Variants in FAM124B observed in about 807,000 individuals in gnomAD.
FAM124B encodes the protein family with sequence similarity 124 member B.
Under a neutral mutation model 19.7 loss-of-function variants are expected in FAM124B, and 18 were observed. The ratio of observed to expected loss-of-function variants is 0.92; its 90% confidence interval spans 0.63 to 1.36. The LOEUF (loss-of-function observed/expected upper bound fraction) is 1.36, where lower values mean the gene tolerates loss of function less well. FAM124B is among the 40% of genes most tolerant of loss of function. The probability of loss-of-function intolerance (pLI) is 0.00; values close to 1 mark genes in which losing one functional copy is unlikely to be tolerated. For missense variants in FAM124B, 540 were observed against 553.3 expected (o/e 0.98, Z 0.24); for synonymous variants, 223 against 225.2 (o/e 0.99, Z 0.09).
rs779052893 is a variant in FAM124B, at chr2:224,401,587, C to T, written c.182G>A (p.Arg61Gln). 2 of 1,614,150 alleles carry T rather than the reference C, an allele frequency of 1.2e-6. No individual in the cohort carries two copies. The highest frequency in any genetic ancestry group is 2.2e-5 in the East Asian group (1 of 44,870). Residue 61 changes from arginine (R) to glutamine (Q), a missense_variant, in exon 1 of 2, where the codon CGG (arginine) becomes CAG (glutamine). By Grantham distance (43) the Arg-to-Gln change is conservative. Coordinates refer to ENST00000409685, the MANE Select transcript of FAM124B (RefSeq NM_001122779.2). ...VKYCEKSHSK[R>Q]SRFPGMSVLL... ...CACGGACATCCCTGGAAACCGGGAC[C>T]GCTTGGAATGGGACTTTTCACAGTA...
intron 1 of FAM124B, among the ~76,000 whole-genome samples, chr2:224,389,197 G>T (rs1344366713): frequency 6.6e-6 from 1 of 152,192 alleles, no homozygotes. Context: ...CTCCCAAAGT[G>T]CTGGGATTAC....
At chr2:224,393,285 T>C (rs1254180166) in intron 1 of FAM124B, among the ~76,000 whole-genome samples, 1 of 152,132 alleles carries the variant, frequency 6.6e-6, no homozygotes, top group African/African-American at 2.4e-5. Context: ...ATCCCTATGA[T>C]TAAGTCAGGA....
intron 1 of FAM124B, among the ~76,000 whole-genome samples, chr2:224,397,505 G>A (rs1438824956): frequency 6.6e-6 from 1 of 152,174 alleles, no homozygotes; most frequent in African/African-American, 2.4e-5. Context: ...ATGTGGAAGC[G>A]ACTTTGGAAC....
chr2:224,401,846 C>G lies in FAM124B; in HGVS notation c.-78G>C. 2 of 1,507,066 alleles carry G rather than the reference C, an allele frequency of 1.3e-6. No individual in the cohort carries two copies. The highest frequency in any genetic ancestry group is 1.8e-6 in the Non-Finnish European group (2 of 1,121,076). 93.4% of individuals were successfully genotyped at this position (1,507,066 alleles called of 1,614,324 possible). A position where few individuals can be genotyped will look rare whatever the true frequency, so the allele number is the denominator to read the frequency against. ...CAAGTTTCTGAAATGAATGAAGAAG[C>G]GGCCCAGCCTTCAGCCCGCCTGAAA... is the stretch of plus-strand genomic sequence containing the variant. On this transcript the variant is annotated 5_prime_UTR_variant, in exon 1 of 2. Transcript: ENST00000409685.
At chr2:224,386,086 T>A (rs1219724462) in intron 1 of FAM124B, among the ~76,000 whole-genome samples, 2 of 152,200 alleles carry the variant, frequency 1.3e-5, no homozygotes, top group Admixed American at 1.3e-4. Context: ...ACCATCGTCC[T>A]GCTTCAATGA....
At chr2:224,383,707 C>T (rs1330694857) in intron 1 of FAM124B, among the ~76,000 whole-genome samples, 1 of 152,140 alleles carries the variant, frequency 6.6e-6, no homozygotes, top group African/African-American at 2.4e-5. Flanking sequence ...ATACTATCTC[C>T]GAAATGTCAG....
At position 224,401,780 on chromosome 2, in the gene FAM124B, C is replaced by T. The variant is rs763876437; in HGVS notation, c.-12G>A. ...TGTGTCTCATCCATGGAGGAACTGC[C>T]TGAGGCTGACAAAGACAGCGTGTGT... On this transcript the variant is annotated 5_prime_UTR_variant, in exon 1 of 2. Transcript: ENST00000409685. 6 of 1,601,954 alleles carry T rather than the reference C, an allele frequency of 3.7e-6. No individual in the cohort carries two copies. The highest frequency in any genetic ancestry group is 1.7e-5 in the Admixed American group (1 of 58,566).
chr2:224,379,477 T>A lies in FAM124B; in HGVS notation c.*96A>T, dbSNP rs940060647. The stretch of plus-strand genomic sequence containing the variant: ...GTGCATGGGGAGCATTCAGCCCCCC[T>A]CAGATGAACAACTAACAGGCTGATT... On this transcript the variant is annotated 3_prime_UTR_variant, in exon 2 of 2. Coordinates refer to ENST00000409685, the MANE Select transcript of FAM124B (RefSeq NM_001122779.2). The A allele has an allele frequency of 2.8e-6, 4 of 1,423,646 alleles. No homozygotes were observed. Among genetic ancestry groups the A allele is most frequent in the African/African-American group, 2.9e-5 (2 of 69,240 alleles). The allele number at this position is 1,423,646 out of a possible 1,614,324, so 88.2% of individuals were successfully genotyped here.
Position 224,379,740 on chromosome 2 carries a change from C to A in FAM124B, c.1201G>T (p.Gly401Trp), listed in dbSNP as rs566543466. 1.3e-6 allele frequency: 2 copies of A among 1,551,658 alleles called. No homozygotes were observed. Among genetic ancestry groups the A allele is most frequent in the Non-Finnish European group, 1.7e-6 (2 of 1,147,004 alleles). Residue 401 changes from glycine to tryptophan, a missense_variant, in exon 2 of 2, where the codon GGG becomes TGG. By Grantham distance (184) the Gly-to-Trp change is radical (BLOSUM62 -2). Coordinates refer to ENST00000409685, the MANE Select transcript of FAM124B (RefSeq NM_001122779.2). ...CTGTTGTTTTTGGAGGTAGCCACCC[C>A]CAAGGAAGAGGCTGGCAAGCAGAAT... ...PPFCLPASSL[G>W]VATSKNNSVL... is the part of the protein sequence containing the mutation.
At chr2:224,390,120 C>T (rs1209234604) in intron 1 of FAM124B, among the ~76,000 whole-genome samples, 2 of 106,986 alleles carry the variant, frequency 1.9e-5, no homozygotes, top group South Asian at 3.2e-4. Context: ...GAAATACACA[C>T]ACACACACAC....
At chr2:224,382,298 T>TAA (rs1689734513) in intron 1 of FAM124B, among the ~76,000 whole-genome samples, 1 of 152,306 alleles carries the variant, frequency 6.6e-6, no homozygotes, top group African/African-American at 2.4e-5. Context: ...GAATCTCATA[T>TAA]TTTTTATGTG....
intron 1 of FAM124B, among the ~76,000 whole-genome samples, chr2:224,391,821 C>T (rs922153873): frequency 6.6e-6 from 1 of 152,018 alleles, no homozygotes; most frequent in African/African-American, 2.4e-5. Context: ...ATATTTATAA[C>T]GAAACAACAC....
intron 1 of FAM124B, among the ~76,000 whole-genome samples, chr2:224,386,213 C>A (rs1689798600): frequency 6.6e-6 from 1 of 152,198 alleles, no homozygotes; most frequent in Non-Finnish European, 1.5e-5. Flanking sequence ...TTTCAGCCTC[C>A]ACATGCTGAA....
At chr2:224,396,033 A>T (rs772346133) in intron 1 of FAM124B, among the ~76,000 whole-genome samples, 17 of 152,248 alleles carry the variant, frequency 1.1e-4, no homozygotes, top group Non-Finnish European at 2.1e-4. Context: ...GAAGCTACTT[A>T]GCCAGGGTTC....
At chr2:224,390,064 G>A (rs1338351164) in intron 1 of FAM124B, among the ~76,000 whole-genome samples, 2 of 146,052 alleles carry the variant, frequency 1.4e-5, no homozygotes, top group African/African-American at 2.5e-5. Context: ...CAGTGCCAAG[G>A]TTGAGAAAAC....
intron 1 of FAM124B, among the ~76,000 whole-genome samples, chr2:224,387,454 G>GA (rs910431510): frequency 3.8e-4 from 57 of 151,950 alleles, no homozygotes; most frequent in African/African-American, 1.1e-3. Context: ...CAACACTGGG[G>GA]AAAAAAAATG....
At chr2:224,391,504 A>G (rs1488354199) in intron 1 of FAM124B, among the ~76,000 whole-genome samples, 3 of 152,226 alleles carry the variant, frequency 2.0e-5, no homozygotes, top group African/African-American at 4.8e-5. Context: ...GTAAGAGGAA[A>G]AAGTATCAAG....
At chr2:224,400,434 AGGTGAAGACCTCAG>A in intron 1 of FAM124B, 1 of 695,580 alleles carries the variant, frequency 1.4e-6, no homozygotes, top group Non-Finnish European at 2.6e-6. Context: ...TGAACCCAGA[AGGTGAAGACCTCAG>A]GGAGCTATGA....
At chr2:224,382,187 G>T (rs1228190137) in intron 1 of FAM124B, among the ~76,000 whole-genome samples, 1 of 152,174 alleles carries the variant, frequency 6.6e-6, no homozygotes, top group Non-Finnish European at 1.5e-5. Context: ...CGGCCATATG[G>T]TCTTTATCCC....
Sources: allele counts gnomAD v4.1 joint callset (sites outside exome capture counted in the v4.1 genomes callset), GRCh38; gene constraint gnomAD v4.1.1; transcripts MANE v1.5; gene names NCBI Gene and HGNC (gene_info 2026-07-23, HGNC 2026-07-21).